Variants in TTC17 observed in about 807,000 individuals in gnomAD.
TTC17 encodes tetratricopeptide repeat protein 17.
TTC17 carries 58 observed loss-of-function variants against 143.8 expected under a neutral mutation model. The ratio of observed to expected loss-of-function variants is 0.40; its 90% CI spans 0.33 to 0.50. TTC17 has a LOEUF of 0.50. TTC17 is among the 20% of genes least tolerant of loss of function. The probability of loss-of-function intolerance (pLI) is 0.49; values close to 1 mark genes in which losing one functional copy is unlikely to be tolerated. For missense variants in TTC17, 1,273 were observed against 1,392.5 expected (o/e 0.91, Z 1.37); for synonymous variants, 501 against 497.8 (o/e 1.01, Z -0.09).
At chr11:43,371,007 G>C (rs2134452573) in intron 1 of TTC17, among the ~76,000 whole-genome samples, 1 of 116,936 alleles carries the variant, frequency 8.6e-6, no homozygotes, top group East Asian at 2.3e-4. Context: ...TTGCTATGTT[G>C]TTCGGGGAGG....
chr11:43,381,143 G>A (rs1327674090), intron 2 of TTC17, among the ~76,000 whole-genome samples: 2 of 152,094 alleles, frequency 1.3e-5, no homozygotes, highest in Non-Finnish European at 2.9e-5. Context: ...CCAATTTTTG[G>A]TTAAGGTAGT....
At chr11:43,385,312 G>C (rs1857128671) in intron 2 of TTC17, among the ~76,000 whole-genome samples, 1 of 152,090 alleles carries the variant, frequency 6.6e-6, no homozygotes, top group Admixed American at 6.5e-5. Context: ...ATTGACCACT[G>C]CCAGGATATA....
intron 21 of TTC17, among the ~76,000 whole-genome samples, chr11:43,472,298 G>A (rs1948106736): frequency 6.6e-6 from 1 of 152,124 alleles, no homozygotes; most frequent in African/African-American, 2.4e-5. Context: ...AGCTATGATT[G>A]TACCATTTCC....
At chr11:43,436,030 G>A in intron 16 of TTC17, 3 of 733,340 alleles carry the variant, frequency 4.1e-6, no homozygotes, top group Non-Finnish European at 5.6e-6. Flanking sequence ...GCAGCTCACT[G>A]ATTTTTGTGT....
At chr11:43,363,558 A>C (rs1856201119) in intron 1 of TTC17, among the ~76,000 whole-genome samples, 1 of 152,226 alleles carries the variant, frequency 6.6e-6, no homozygotes, top group African/African-American at 2.4e-5. Flanking sequence ...TAAGAGTATC[A>C]TCTGTATCAG....
At chr11:43,476,545 A>G (rs985680398) in intron 21 of TTC17, among the ~76,000 whole-genome samples, 20 of 152,294 alleles carry the variant, frequency 1.3e-4, no homozygotes, top group South Asian at 4.1e-4. Context: ...CCAAACTTCA[A>G]TTCTTGACTT....
chr11:43,391,957 G>A lies in TTC17; in HGVS notation c.663+5G>A. ...ATTCATGAAGGCCTACAGAAGGTAA[G>A]TCATCAGTCACTTAAAGAGCCAGCG... On this transcript the variant is annotated splice_donor_5th_base_variant and intron_variant, in intron 5 of 23. Coordinates refer to ENST00000039989, the MANE Select transcript of TTC17 (RefSeq NM_018259.6). 3 of 1,601,146 alleles carry A rather than the reference G, an allele frequency of 1.9e-6. No individual in the cohort carries two copies. The highest frequency in any genetic ancestry group is 2.5e-6 in the Non-Finnish European group (3 of 1,176,478).
chr11:43,446,790 C>A, intron 18 of TTC17: 1 of 579,762 alleles, frequency 1.7e-6, no homozygotes, highest in South Asian at 7.6e-5. Context: ...GACAGTTCTG[C>A]TCTTTTCTTG....
At position 43,492,182 on chromosome 11, in the gene TTC17, C is replaced by T; in HGVS notation, c.3294+19C>T. The T allele has an allele frequency of 2.5e-6, 4 of 1,612,328 alleles. No individual in the cohort carries two copies. In the South Asian group the frequency reaches 3.3e-5, roughly 13 times the overall value. ...GGCAATGGTGAGATGGGGGTGTGAG[C>T]AGTATGTACCAACTCTGCCAAACAG... On this transcript the variant is annotated intron_variant, in intron 23 of 23. Transcript: ENST00000039989.
At chr11:43,362,235 G>A (rs540881367) in intron 1 of TTC17, among the ~76,000 whole-genome samples, 8 of 151,318 alleles carry the variant, frequency 5.3e-5, no homozygotes, top group Admixed American at 2.0e-4. Flanking sequence ...TGGACAGGCT[G>A]GTCTCAAACT....
chr11:43,466,073 G>C (rs776195937), intron 21 of TTC17, among the ~76,000 whole-genome samples: 1 of 152,000 alleles, frequency 6.6e-6, no homozygotes, highest in Non-Finnish European at 1.5e-5. Flanking sequence ...TAAACAACTT[G>C]TACAAATTAA....
chr11:43,396,104 G>T (rs1294080726), intron 5 of TTC17: 1 of 152,024 alleles, frequency 6.6e-6, no homozygotes. Context: ...TATTCAGTAA[G>T]TATTGGCTTT....
intron 16 of TTC17, chr11:43,436,184 C>T: frequency 7.0e-7 from 1 of 1,425,342 alleles, no homozygotes; most frequent in Non-Finnish European, 9.1e-7. Flanking sequence ...TGAGAAAACC[C>T]TGGACAACAG....
At chr11:43,366,301 T>C (rs1047800829) in intron 1 of TTC17, among the ~76,000 whole-genome samples, 8 of 152,106 alleles carry the variant, frequency 5.3e-5, no homozygotes, top group African/African-American at 1.9e-4. Context: ...ATTAAAAATT[T>C]TGAAACCATC....
At chr11:43,363,743 T>C (rs1565125917) in intron 1 of TTC17, among the ~76,000 whole-genome samples, 1 of 152,204 alleles carries the variant, frequency 6.6e-6, no homozygotes, top group African/African-American at 2.4e-5. Context: ...TTCGTGGCAA[T>C]AGTAAGTAAA....
intron 21 of TTC17, among the ~76,000 whole-genome samples, chr11:43,463,700 C>G (rs1280019258): frequency 1.3e-5 from 2 of 151,586 alleles, no homozygotes; most frequent in African/African-American, 4.8e-5. Flanking sequence ...GCCAGGCAAG[C>G]TATTAATAAT....
intron 21 of TTC17, chr11:43,466,260 A>T (rs1194885432): frequency 6.6e-6 from 1 of 152,244 alleles, no homozygotes; most frequent in Non-Finnish European, 1.5e-5. Flanking sequence ...GGCCACTATT[A>T]AAAACATAAA....
At chr11:43,442,090 A>G (rs1049919825) in intron 16 of TTC17, among the ~76,000 whole-genome samples, 9 of 152,220 alleles carry the variant, frequency 5.9e-5, no homozygotes, top group African/African-American at 2.2e-4. Flanking sequence ...CTAGGCTACA[A>G]ACCTCTACAG....
chr11:43,373,497 G>A (rs965487623), intron 1 of TTC17, among the ~76,000 whole-genome samples: 2 of 151,924 alleles, frequency 1.3e-5, no homozygotes, highest in African/African-American at 4.8e-5. Flanking sequence ...CTAATTTTTT[G>A]TATTTTTAGT....
Sources: allele counts gnomAD v4.1 joint callset (sites outside exome capture counted in the v4.1 genomes callset), GRCh38; gene constraint gnomAD v4.1.1; transcripts MANE v1.5; gene names NCBI Gene and HGNC (gene_info 2026-07-23, HGNC 2026-07-21).